VGLL1: variants seen among roughly 807,000 people sequenced by gnomAD.
The protein encoded by VGLL1 is vestigial like family member 1, also known as transcription cofactor vestigial-like protein 1.
In VGLL1, 4 loss-of-function variants were observed where a neutral mutation model predicts 12.0. The observed-to-expected ratio is 0.33, with a 90% CI of 0.16 to 0.76. VGLL1 has a LOEUF of 0.76. Among genes scored for constraint, VGLL1 ranks in the 30% least tolerant of loss-of-function variants. VGLL1 has a pLI of 0.60. For synonymous variants in VGLL1, 87 were observed against 81.2 expected (o/e 1.07, Z -0.39); for missense variants, 204 against 208.7 (o/e 0.98, Z 0.14).
At chrX:136,540,620 T>C (rs1475119803) in intron 2 of VGLL1, among the ~76,000 whole-genome samples, 1 of 111,970 alleles carries the variant, frequency 8.9e-6, no homozygotes, top group African/African-American at 3.2e-5. Context: ...ATGTTGTATT[T>C]CTTTCTAGAC....
intron 2 of VGLL1, among the ~76,000 whole-genome samples, chrX:136,545,715 T>C (rs1308489831): frequency 9.0e-6 from 1 of 111,051 alleles, no homozygotes; most frequent in Non-Finnish European, 1.9e-5. Flanking sequence ...CATGCAAGGA[T>C]AAAGTGGAGG....
chrX:136,554,471 G>A (rs2075896012), intron 4 of VGLL1, among the ~76,000 whole-genome samples: 1 of 111,569 alleles, frequency 9.0e-6, no homozygotes, highest in African/African-American at 3.3e-5. Context: ...GGGCCAGGTG[G>A]TGCAGGGGCC....
intron 1 of VGLL1, among the ~76,000 whole-genome samples, chrX:136,533,323 A>G (rs2075831195): frequency 9.0e-6 from 1 of 110,986 alleles, no homozygotes; most frequent in Non-Finnish European, 1.9e-5. Context: ...CCAATTGCCC[A>G]CGGACTGAGC....
chrX:136,548,990 C>A lies in VGLL1; in HGVS notation c.616C>A (p.Pro206Thr), dbSNP rs368080421. Residue 206 changes from proline (P) to threonine (T), a missense_variant, in exon 3 of 5, where the codon CCT (proline) becomes ACT (threonine). Physicochemically the swap from Pro to Thr is conservative, Grantham distance 38 (BLOSUM62 -1). Coordinates refer to ENST00000370634, the MANE Select transcript of VGLL1 (RefSeq NM_016267.4). ...AGSTGLLFNL[P>T]PGSVHYKKLY... is the part of the protein sequence containing the mutation. ...AAGCACAGGGTTGCTCTTCAACCTG[C>A]CTCCCGGCTCAGTTCACTGTAAGGA... 2 of 1,208,506 alleles carry A rather than the reference C, an allele frequency of 1.7e-6. No individual in the cohort carries two copies. Among genetic ancestry groups the A allele is most frequent in the Non-Finnish European group, 2.2e-6 (2 of 893,548 alleles).
chrX:136,550,409 G>A (rs1004391434), intron 3 of VGLL1: 1 of 151,474 alleles, frequency 6.6e-6, no homozygotes, highest in Non-Finnish European at 1.2e-5. Flanking sequence ...GGCACATCAT[G>A]GTGAAACTAA....
At chrX:136,554,136 G>GA (rs2075894994) in intron 4 of VGLL1, among the ~76,000 whole-genome samples, 1 of 111,667 alleles carries the variant, frequency 9.0e-6, no homozygotes, top group Non-Finnish European at 1.9e-5. Flanking sequence ...CCCCCAAAGG[G>GA]AAAATACAAA....
intron 4 of VGLL1, among the ~76,000 whole-genome samples, chrX:136,553,011 G>T (rs1205501053): frequency 8.9e-6 from 1 of 111,857 alleles, no homozygotes; most frequent in African/African-American, 3.3e-5. Context: ...CTTGCAGAGA[G>T]TAGTTGAGGA....
intron 1 of VGLL1, among the ~76,000 whole-genome samples, chrX:136,535,047 C>A (rs2088442784): frequency 8.9e-6 from 1 of 111,958 alleles, no homozygotes; most frequent in Admixed American, 9.5e-5. Flanking sequence ...AAGAAGCATC[C>A]TGACAGGCTA....
chrX:136,538,086 AT>A (rs781261877), intron 2 of VGLL1, among the ~76,000 whole-genome samples: 2 of 111,731 alleles, frequency 1.8e-5, no homozygotes, highest in Non-Finnish European at 3.8e-5. Context: ...CTATTTGCTA[AT>A]TGTTAAGAAA....
Position 136,546,059 on chromosome X carries a change from A to G in VGLL1, c.215-2530A>G, listed in dbSNP as rs867258206. 2.2e-4 allele frequency among the ~76,000 whole-genome samples: 24 copies of G among 111,548 alleles called. No homozygotes were observed. In the South Asian group the frequency reaches 9.1e-3, roughly 43 times the overall value. On this transcript the variant is annotated intron_variant, in intron 2 of 4. Coordinates refer to ENST00000370634, the MANE Select transcript of VGLL1 (RefSeq NM_016267.4). ...TGAAAGAAAAATCCTAGCCTGCCCC[A>G]TGTATGCCTGCATCAGGGTGTTTCT...
chrX:136,555,950 G>A (rs1357935911), intron 4 of VGLL1, among the ~76,000 whole-genome samples: 1 of 111,013 alleles, frequency 9.0e-6, no homozygotes, highest in Non-Finnish European at 1.9e-5. Context: ...GAAGGCAAAT[G>A]GGGACGCTTA....
chrX:136,556,444 C>G lies in VGLL1; in HGVS notation c.689-7C>G. On this transcript the variant is annotated splice_polypyrimidine_tract_variant and splice_region_variant and intron_variant, in intron 4 of 4. Transcript: ENST00000370634. ...GGCTTTCATTAACCATGTAACTTCT[C>G]CTTTAGCTCTTTCAGAGTTAGAGAC... 14 of 1,207,392 alleles carry G rather than the reference C, an allele frequency of 1.2e-5. No individual in the cohort carries two copies. The highest frequency in any genetic ancestry group is 1.6e-5 in the Non-Finnish European group (14 of 892,072).
chrX:136,540,742 C>T (rs922346874), intron 2 of VGLL1, among the ~76,000 whole-genome samples: 22 of 111,604 alleles, frequency 2.0e-4, no homozygotes, highest in Admixed American at 5.7e-4. Context: ...TCAATACATA[C>T]GGCTTGAACG....
intron 2 of VGLL1, among the ~76,000 whole-genome samples, chrX:136,541,310 G>A (rs893596670): frequency 8.9e-6 from 1 of 112,355 alleles, no homozygotes. Context: ...TTCCTTCTTG[G>A]TTGTTGCATT....
At chrX:136,549,041 G>A (rs971057032) in intron 3 of VGLL1, 33 bp downstream of exon 3, 2 of 1,169,829 alleles carry the variant, frequency 1.7e-6, no homozygotes, top group African/African-American at 3.6e-5. Context: ...TTGGAGGGGT[G>A]CCTCTGATTG....
At chrX:136,532,575 TTCTTTCTTTCTTTCTTTCTTTC>T (rs1263805966) in intron 1 of VGLL1, among the ~76,000 whole-genome samples, 8 of 6,458 alleles carry the variant, frequency 1.2e-3, no homozygotes, top group Non-Finnish European at 2.2e-3. Context: ...GCTCAAATAT[TTCTTTCTTTCTTTCTTTCTTTC>T]TTTCTTTCTT....
chrX:136,541,283 T>C (rs998916224), intron 2 of VGLL1, among the ~76,000 whole-genome samples: 3 of 112,127 alleles, frequency 2.7e-5, no homozygotes, highest in Admixed American at 1.9e-4. Flanking sequence ...GATAGAGAGG[T>C]GGCTTGGTTC....
intron 1 of VGLL1, among the ~76,000 whole-genome samples, chrX:136,533,312 C>T (rs1206247894): frequency 9.0e-6 from 1 of 110,803 alleles, no homozygotes; most frequent in Non-Finnish European, 1.9e-5. Flanking sequence ...ATTCAGGATG[C>T]CCAATTGCCC....
intron 2 of VGLL1, among the ~76,000 whole-genome samples, chrX:136,542,125 T>C (rs1266670357): frequency 9.1e-6 from 1 of 109,643 alleles, no homozygotes; most frequent in Non-Finnish European, 1.9e-5. Context: ...CGTGGGCCTT[T>C]AGAGGTCTCA....
Sources: gnomAD v4.1 joint callset for allele counts (sites outside exome capture counted in the v4.1 genomes callset) on GRCh38, gnomAD v4.1.1 for gene constraint, MANE v1.5 for transcripts, NCBI Gene and HGNC (gene_info 2026-07-23, HGNC 2026-07-21) for gene names.